CREBBP: variants seen among roughly 807,000 people sequenced by gnomAD.
CREBBP encodes the protein CREB binding lysine acetyltransferase.
A neutral mutation model predicts 265.0 loss-of-function variants in CREBBP; 19 were observed. That is an observed-to-expected ratio of 0.07 (90% CI 0.05 to 0.11). The LOEUF (loss-of-function observed/expected upper bound fraction) is 0.11. Ranked by LOEUF, CREBBP falls within the 10% of genes least tolerant of loss-of-function variation. The probability of loss-of-function intolerance (pLI) is 1.00; values close to 1 mark genes in which losing one functional copy is unlikely to be tolerated. For synonymous variants in CREBBP, 1,457 were observed against 1,223.7 expected (o/e 1.19, Z -3.98); for missense variants, 2,525 against 3,219.0 (o/e 0.78, Z 5.22).
rs771938250 is a variant in CREBBP, at chr16:3,842,372, G to C, written c.798+7925C>G. Among the ~76,000 whole-genome samples the C allele has an allele frequency of 5.3e-4, 80 of 152,292 alleles. 2 individuals are homozygous for C. Among genetic ancestry groups the C allele is most frequent in the Admixed American group, 3.9e-4 (6 of 15,308 alleles). Reference sequence around the variant, plus strand: ...AACACCCGTAGCCAGGAAAGAGAGTGTCTGTACGGCTTCTAAATCCTACCT... The same window carrying C: ...AACACCCGTAGCCAGGAAAGAGAGTCTCTGTACGGCTTCTAAATCCTACCT... On this transcript the variant is annotated intron_variant, in intron 2 of 30. Coordinates refer to ENST00000262367, the MANE Select transcript of CREBBP (RefSeq NM_004380.3).
At chr16:3,775,812 C>A (rs1365792662) in intron 11 of CREBBP, among the ~76,000 whole-genome samples, 1 of 152,182 alleles carries the variant, frequency 6.6e-6, no homozygotes, top group African/African-American at 2.4e-5. Context: ...GGGCATCATA[C>A]CCCACACCAG....
chr16:3,797,994 A>T (rs2053640868), intron 3 of CREBBP, among the ~76,000 whole-genome samples: 1 of 152,240 alleles, frequency 6.6e-6, no homozygotes, highest in Non-Finnish European at 1.5e-5. Context: ...TGGGCAAAGA[A>T]AATGCAGACA....
intron 8 of CREBBP, among the ~76,000 whole-genome samples, chr16:3,779,393 T>C (rs1401086874): frequency 6.6e-6 from 1 of 152,190 alleles, no homozygotes; most frequent in African/African-American, 2.4e-5. Flanking sequence ...CCGGCTGGCC[T>C]GAACTCCTGG....
chr16:3,830,873 C>T lies in CREBBP; in HGVS notation c.798+19424G>A, dbSNP rs565042772. Among the ~76,000 whole-genome samples, 4 of 152,262 alleles carry T rather than the reference C, an allele frequency of 2.6e-5. No homozygotes were observed. In the South Asian group the frequency reaches 8.3e-4, roughly 32 times the overall value. ...CTCAGCTCACTGTAACCTCTACCTC[C>T]TGGGGTGAAGCGATTTTTGTATCTC... On this transcript the variant is annotated intron_variant, in intron 2 of 30. Coordinates refer to ENST00000262367, the MANE Select transcript of CREBBP (RefSeq NM_004380.3).
rs949743163 is a variant in CREBBP, at chr16:3,728,202, T to A, written c.6845A>T (p.Asp2282Val). 1.2e-6 allele frequency: 2 copies of A among 1,613,824 alleles called. No homozygotes were observed. The highest frequency in any genetic ancestry group is 1.7e-6 in the Non-Finnish European group (2 of 1,179,990). The change falls in exon 31 of 31, where the codon GAC (aspartate) becomes GTC (valine). Residue 2282 changes from aspartate to valine, a missense_variant. Physicochemically the swap from Asp to Val is radical, Grantham distance 152 (BLOSUM62 -3). This residue lies in a region of CREBBP where 473 missense variants were observed against 459.3 expected (regional missense o/e 1.03). Transcript: ENST00000262367. The surrounding 1 kb of genome is among the most constrained non-coding windows in gnomAD (Gnocchi z 8.7). ...GQMGQPGLGA[D>V]STPNIQQALQ... Reference sequence around the variant, plus strand: ...GGCTTGCTGGATGTTGGGGGTGCTGTCTGCCCCCAGCCCCGGCTGCCCCAT... The same window carrying A: ...GGCTTGCTGGATGTTGGGGGTGCTGACTGCCCCCAGCCCCGGCTGCCCCAT...
At chr16:3,810,910 C>A (rs187570468) in intron 2 of CREBBP, 131 bp from the exon 3 acceptor site, 3 of 896,538 alleles carry the variant, frequency 3.3e-6, no homozygotes. Flanking sequence ...TTATCAGGTT[C>A]ACATGCTCCA....
At chr16:3,771,390 C>T (rs1219486547) in intron 13 of CREBBP, among the ~76,000 whole-genome samples, 3 of 152,120 alleles carry the variant, frequency 2.0e-5, no homozygotes, top group Non-Finnish European at 4.4e-5. Flanking sequence ...AATTTAATCA[C>T]ATTTTCTTGG....
intron 2 of CREBBP, among the ~76,000 whole-genome samples, chr16:3,834,064 G>A (rs902125181): frequency 6.6e-6 from 1 of 152,070 alleles, no homozygotes; most frequent in African/African-American, 2.4e-5. Flanking sequence ...GACAACAATG[G>A]GATACCACTA....
Position 3,774,662 on chromosome 16 carries a change from C to T in CREBBP, c.2190G>A (p.Gly730=). The change falls in exon 12 of 31, where the codon GGG becomes GGA. Residue 730 remains glycine, a synonymous_variant. Coordinates refer to ENST00000262367, the MANE Select transcript of CREBBP (RefSeq NM_004380.3). ...TGGGTGCTTGTGGCAACTGGACGTT[C>T]CCCAAGGACATGGGGTTAAATGAAT... ...GMNSFNPMSL[G]NVQLPQAPMG... 1 of 1,614,148 alleles carries T rather than the reference C, an allele frequency of 6.2e-7. No homozygotes were observed. Among genetic ancestry groups the T allele is most frequent in the East Asian group, 2.2e-5 (1 of 44,888 alleles).
At position 3,736,214 on chromosome 16, in the gene CREBBP, A is replaced by C; in HGVS notation, c.4561-11T>G. 1 of 1,614,068 alleles carries C rather than the reference A, an allele frequency of 6.2e-7. No homozygotes were observed. The highest frequency in any genetic ancestry group is 1.1e-5 in the South Asian group (1 of 91,088). ...TTGTTTGAAAATATCCTGAGTGGGC[A>C]AAGCACAACAGTGAGATGAGGGCCA... On this transcript the variant is annotated splice_polypyrimidine_tract_variant and intron_variant, in intron 27 of 30. Coordinates refer to ENST00000262367, the MANE Select transcript of CREBBP (RefSeq NM_004380.3).
At position 3,740,442 on chromosome 16, in the gene CREBBP, T is replaced by G; in HGVS notation, c.4090A>C (p.Ser1364Arg). 1.2e-6 allele frequency: 2 copies of G among 1,614,182 alleles called. No homozygotes were observed. The highest frequency in any genetic ancestry group is 1.7e-6 in the Non-Finnish European group (2 of 1,180,038). Residue 1364 changes from serine (S) to arginine (R), a missense_variant, in exon 24 of 31, where the codon AGC (serine) becomes CGC (arginine). This residue lies in a region of CREBBP where 252 missense variants were observed against 452.5 expected (regional missense o/e 0.56). Transcript: ENST00000262367. ...TTGACCTCCACCGTCTTGTCTGAGC[T>G]GGCCACCACTCGGACAAAAACCTCC... ...AGEVFVRVVA[S>R]SDKTVEVKPG... is the part of the protein sequence containing the mutation.
At chr16:3,851,306 T>TAAAAAAAAAAAAAAAAAAA (rs1160251196) in intron 1 of CREBBP, among the ~76,000 whole-genome samples, 2 of 76,486 alleles carry the variant, frequency 2.6e-5, no homozygotes, top group Non-Finnish European at 5.9e-5. Context: ...AAAAAAAAAT[T>TAAAAAAAAAAAAAAAAAAA]AAAAAAAAAA....
In CREBBP at chr16:3,729,611, G is replaced by A. The variant is rs61731405; in HGVS notation, c.5436C>T (p.Thr1812=). Residue 1812 remains threonine, a synonymous_variant, in exon 31 of 31, where the codon ACC becomes ACT. Transcript: ENST00000262367. The part of the protein sequence containing the change: ...VQHTKGCKRK[T]NGGCPVCKQL... The stretch of plus-strand genomic sequence containing the variant: ...GCTTGCACACCGGGCAGCCCCCGTT[G>A]GTCTTGCGTTTGCAGCCCTTGGTGT... 2 of 1,614,064 alleles carry A rather than the reference G, an allele frequency of 1.2e-6. No homozygotes were observed. The highest frequency in any genetic ancestry group is 1.7e-6 in the Non-Finnish European group (2 of 1,180,022).
intron 2 of CREBBP, among the ~76,000 whole-genome samples, chr16:3,844,963 T>A (rs999372889): frequency 6.6e-6 from 1 of 152,312 alleles, no homozygotes; most frequent in East Asian, 1.9e-4. Context: ...AATTTATATG[T>A]ATAAGAAGAC....
Position 3,781,234 on chromosome 16 carries a change from G to A in CREBBP, c.1646C>T (p.Ser549Leu), listed in dbSNP as rs1596917200. 3 of 1,614,012 alleles carry A rather than the reference G, an allele frequency of 1.9e-6. No individual in the cohort carries two copies. Among genetic ancestry groups the A allele is most frequent in the Non-Finnish European group, 1.7e-6 (2 of 1,179,952 alleles). ...DQQPPNLISE[S>L]ALPTSLGATN... is the part of the protein sequence containing the mutation. ...GGCCCCCAGGGAAGTCGGAAGAGCT[G>A]ATTCTGAAATCAAGTTTGGGGGCTG... Residue 549 changes from serine to leucine, a missense_variant, in exon 7 of 31, where the codon TCA (serine) becomes TTA (leucine). Ser to Leu is a moderately radical substitution (Grantham distance 145). Around this residue, in one of 19 missense-constraint regions of CREBBP, gnomAD observed 144 missense variants for 134.0 expected, o/e 1.07. Transcript: ENST00000262367.
intron 3 of CREBBP, among the ~76,000 whole-genome samples, chr16:3,799,243 G>A (rs773575633): frequency 1.8e-4 from 28 of 152,196 alleles, no homozygotes; most frequent in Non-Finnish European, 3.1e-4. Flanking sequence ...AGAATTGACT[G>A]TGGTGATGGT....
chr16:3,759,446 T>C (rs1479344933), intron 16 of CREBBP, among the ~76,000 whole-genome samples: 1 of 151,954 alleles, frequency 6.6e-6, no homozygotes, highest in East Asian at 1.9e-4. Flanking sequence ...TTTAGCCTGG[T>C]GTGTGTCGGG....
chr16:3,728,398 CTTGCTGCTGCTGCTGTTGCTGCTGTTG>C lies in CREBBP; in HGVS notation c.6622_6648del (p.Gln2208_Gln2216del), dbSNP rs1284958675. The C allele has an allele frequency of 6.2e-6, 10 of 1,613,464 alleles. No individual in the cohort carries two copies. The highest frequency in any genetic ancestry group is 8.5e-6 in the Non-Finnish European group (10 of 1,179,748). ...ATGCCCCCAGCCATGCCGGCACTCC[CTTGCTGCTGCTGCTGTTGCTGCTGTTG>C]TTGCTGCTGCTGTTGCTGCTGCTGC... On this transcript the variant is annotated inframe_deletion, in exon 31 of 31. Coordinates refer to ENST00000262367, the MANE Select transcript of CREBBP (RefSeq NM_004380.3). This position sits in a 1 kb window ranked among gnomAD's most constrained non-coding sequence, Gnocchi z 8.7.
intron 21 of CREBBP, among the ~76,000 whole-genome samples, chr16:3,748,469 G>A (rs1486867393): frequency 6.6e-6 from 1 of 152,192 alleles, no homozygotes; most frequent in African/African-American, 2.4e-5. Flanking sequence ...TCATCGTCCT[G>A]TCTGTGTACC....
Sources: allele counts gnomAD v4.1 joint callset (sites outside exome capture counted in the v4.1 genomes callset), GRCh38; gene constraint gnomAD v4.1.1; regional missense constraint gnomAD v4.1.1; non-coding constraint Gnocchi (gnomAD v3.1); transcripts MANE v1.5; gene names NCBI Gene and HGNC (gene_info 2026-07-23, HGNC 2026-07-21).